Variants in EVC2 observed in about 807,000 individuals in gnomAD.
EVC2 encodes the protein EvC ciliary complex subunit 2.
In EVC2, 148 loss-of-function variants were observed where a neutral mutation model predicts 149.3. The ratio of observed to expected loss-of-function variants is 0.99; its 90% CI spans 0.87 to 1.14. The LOEUF (loss-of-function observed/expected upper bound fraction) is 1.14. Ranked by LOEUF, EVC2 falls within the 50% of genes most tolerant of loss-of-function variation. EVC2 has a pLI of 0.00. For missense variants in EVC2, 1,854 were observed against 1,627.3 expected, an observed-to-expected ratio of 1.14 and a Z score of -2.40; for synonymous variants, 776 against 649.9, an observed-to-expected ratio of 1.19 and a Z score of -2.95.
chr4:5,618,926 T>C lies in EVC2; in HGVS notation c.2502-244A>G, dbSNP rs1715480817. Among the ~76,000 whole-genome samples, 1 of 152,200 alleles carries C rather than the reference T, an allele frequency of 6.6e-6. No homozygotes were observed. The highest frequency in any genetic ancestry group is 2.1e-4 in the South Asian group (1 of 4,832). The stretch of plus-strand genomic sequence containing the variant: ...TGAGGCCAGGCTGTGAGGGTGCCTT[T>C]GAGGAGGCAACAGGCCTTCCAGTGC... On this transcript the variant is annotated intron_variant, in intron 14 of 21. Transcript: ENST00000344408. The surrounding 1 kb of genome is among the most constrained non-coding windows in gnomAD (Gnocchi z 4.4).
intron 17 of EVC2, among the ~76,000 whole-genome samples, chr4:5,583,141 G>C (rs190252827): frequency 6.6e-6 from 1 of 152,248 alleles, no homozygotes; most frequent in Admixed American, 6.5e-5. Context: ...CCTTTAATTT[G>C]TTAATCAGGT....
At chr4:5,682,176 T>G (rs997876777) in intron 6 of EVC2, among the ~76,000 whole-genome samples, 16 of 152,036 alleles carry the variant, frequency 1.1e-4, no homozygotes, top group African/African-American at 1.7e-4. Flanking sequence ...AGTAGTAACA[T>G]TAGCAGCAGC....
chr4:5,601,275 C>A (rs552858081), intron 16 of EVC2, among the ~76,000 whole-genome samples: 2 of 151,836 alleles, frequency 1.3e-5, no homozygotes, highest in African/African-American at 4.8e-5. Flanking sequence ...TAAGAGTGAA[C>A]ATGCAGGAAT....
chr4:5,608,034 A>G (rs1421879927), intron 16 of EVC2, among the ~76,000 whole-genome samples: 1 of 152,086 alleles, frequency 6.6e-6, no homozygotes, highest in Non-Finnish European at 1.5e-5. Flanking sequence ...TCCCAGCCAC[A>G]GTCCCGGGCT....
At chr4:5,626,613 C>T (rs376610328) in intron 12 of EVC2, among the ~76,000 whole-genome samples, 1 of 152,086 alleles carries the variant, frequency 6.6e-6, no homozygotes, top group Admixed American at 6.5e-5. Flanking sequence ...GGATTACAGG[C>T]GTGAGCTACT....
At chr4:5,654,314 C>T (rs565976001) in intron 9 of EVC2, among the ~76,000 whole-genome samples, 8 of 152,210 alleles carry the variant, frequency 5.3e-5, no homozygotes, top group East Asian at 3.9e-4. Flanking sequence ...AAAGGCCCTG[C>T]GGCAGAGATG....
rs1279025923 is a variant in EVC2, at chr4:5,686,794, A to C, written c.707-1315T>G. On this transcript the variant is annotated intron_variant, in intron 5 of 21. Transcript: ENST00000344408. This position sits in a 1 kb window ranked among gnomAD's most constrained non-coding sequence, Gnocchi z 5.4. ...ATCTACTTATGCTTTGGGGAAAAAA[A>C]AAAAAAGTCACCTGTGCCCCAAGGT... Among the ~76,000 whole-genome samples, 2 of 152,268 alleles carry C rather than the reference A, an allele frequency of 1.3e-5. No individual in the cohort carries two copies. Among genetic ancestry groups the C allele is most frequent in the African/African-American group, 2.4e-5 (1 of 41,558 alleles).
intron 9 of EVC2, among the ~76,000 whole-genome samples, chr4:5,648,296 C>T (rs1420407066): frequency 2.0e-5 from 3 of 152,160 alleles, no homozygotes; most frequent in East Asian, 3.9e-4. Context: ...GGAGTTTGAC[C>T]TCCAGAACTC....
intron 17 of EVC2, among the ~76,000 whole-genome samples, chr4:5,579,165 G>T (rs1053177943): frequency 6.6e-6 from 1 of 152,100 alleles, no homozygotes; most frequent in Non-Finnish European, 1.5e-5. Context: ...CGTGCAGGGG[G>T]GTAACTAGAG....
At chr4:5,647,759 A>G (rs1717828842) in intron 9 of EVC2, among the ~76,000 whole-genome samples, 1 of 152,164 alleles carries the variant, frequency 6.6e-6, no homozygotes, top group Non-Finnish European at 1.5e-5. Context: ...AACTGCAAAC[A>G]CGTTAGGTTT....
chr4:5,531,747 T>C, the EVC2 span, among the ~76,000 whole-genome samples: 1 of 152,016 alleles, frequency 6.6e-6, no homozygotes, highest in African/African-American at 2.4e-5. Flanking sequence ...CTCCCACTGA[T>C]CTACATTATG....
In EVC2 at chr4:5,679,140, CCAGT is replaced by C. The variant is rs1473632754; in HGVS notation, c.870+2116_870+2119del. Among the ~76,000 whole-genome samples, 1 of 151,916 alleles carries C rather than the reference CCAGT, an allele frequency of 6.6e-6. No individual in the cohort carries two copies. ...TTGCAGGTCTGGAAGTTGCTCTGGG[CCAGT>C]CAGTGAGTGAGTGGTGAGTGAATGT... On this transcript the variant is annotated intron_variant, in intron 7 of 21. Coordinates refer to ENST00000344408, the MANE Select transcript of EVC2 (RefSeq NM_147127.5). The surrounding 1 kb of genome is among the most constrained non-coding windows in gnomAD (Gnocchi z 5.1).
intron 21 of EVC2, among the ~76,000 whole-genome samples, chr4:5,545,170 T>A (rs994928782): frequency 3.3e-5 from 5 of 152,174 alleles, no homozygotes; most frequent in African/African-American, 1.2e-4. Context: ...GATAGTGAGC[T>A]CCTCTCCAGG....
At position 5,568,614 on chromosome 4, in the gene EVC2, C is replaced by T. The variant is rs752793772; in HGVS notation, c.3387G>A (p.Ala1129=). 12 of 1,608,992 alleles carry T rather than the reference C, an allele frequency of 7.5e-6. No individual in the cohort carries two copies. The highest frequency in any genetic ancestry group is 1.3e-5 in the African/African-American group (1 of 75,040). The change falls in exon 20 of 22, where the codon GCG becomes GCA. Residue 1129 remains alanine, a synonymous_variant. Coordinates refer to ENST00000344408, the MANE Select transcript of EVC2 (RefSeq NM_147127.5). ...SQELRLASYL[A]RMAMVPGATL... is the part of the protein sequence containing the mutation. ...TGGCCCCGGGCACCATGGCCATCCT[C>T]GCCAGGTACGATGCCAGTCTCAGCT...
chr4:5,644,231 T>C (rs542331342), intron 9 of EVC2, among the ~76,000 whole-genome samples: 2 of 152,346 alleles, frequency 1.3e-5, no homozygotes, highest in African/African-American at 4.8e-5. Flanking sequence ...CTTCATTCAA[T>C]TTGTTTTCCT....
chr4:5,604,282 T>C (rs1447940356), intron 16 of EVC2, among the ~76,000 whole-genome samples: 3 of 152,192 alleles, frequency 2.0e-5, no homozygotes, highest in Non-Finnish European at 4.4e-5. Context: ...AACTCTCATA[T>C]ATTGATATCA....
At chr4:5,584,587 C>A in intron 17 of EVC2, 36 bp downstream of exon 17, 1 of 1,597,478 alleles carries the variant, frequency 6.3e-7, no homozygotes, top group South Asian at 1.1e-5. Context: ...AAAGACCCAG[C>A]TCTGTCCCCC....
At chr4:5,542,049 C>A (rs151213514), downstream of EVC2, among the ~76,000 whole-genome samples, 1 of 152,212 alleles carries the variant, frequency 6.6e-6, no homozygotes, top group Non-Finnish European at 1.5e-5. Flanking sequence ...TAAGAAGAAG[C>A]CAGAGAGCCA....
In EVC2 at chr4:5,622,266, T is replaced by C. The variant is rs901693645; in HGVS notation, c.2501+271A>G. Among the ~76,000 whole-genome samples the C allele has an allele frequency of 9.2e-5, 14 of 151,984 alleles. No individual in the cohort carries two copies. The highest frequency in any genetic ancestry group is 3.1e-4 in the African/African-American group (13 of 41,386). ...GAATTATTCAGACAAGGCAATCACA[T>C]TTTCCCCTGGAAGCCAGGGGCCACC... On this transcript the variant is annotated intron_variant, in intron 14 of 21. Transcript: ENST00000344408. The surrounding 1 kb of genome is among the most constrained non-coding windows in gnomAD (Gnocchi z 5.8).
Sources: allele counts gnomAD v4.1 joint callset (sites outside exome capture counted in the v4.1 genomes callset), GRCh38; gene constraint gnomAD v4.1.1; non-coding constraint Gnocchi (gnomAD v3.1); transcripts MANE v1.5; gene names NCBI Gene and HGNC (gene_info 2026-07-23, HGNC 2026-07-21).